NOS1AP: variants seen among roughly 807,000 people sequenced by gnomAD.
NOS1AP encodes nitric oxide synthase 1 adaptor protein.
In NOS1AP, 21 loss-of-function variants were observed where a neutral mutation model predicts 56.2. The observed-to-expected ratio is 0.37, with a 90% CI of 0.26 to 0.54. The LOEUF (loss-of-function observed/expected upper bound fraction) is 0.54, where lower values mean the gene tolerates loss of function less well. NOS1AP is among the 20% of genes least tolerant of loss of function. NOS1AP has a pLI of 0.84. For missense variants in NOS1AP, 522 were observed against 657.8 expected, an observed-to-expected ratio of 0.79 and a Z score of 2.26; for synonymous variants, 270 against 274.6, an observed-to-expected ratio of 0.98 and a Z score of 0.17.
At chr1:162,167,628 C>T (rs1650564877) in intron 2 of NOS1AP, among the ~76,000 whole-genome samples, 1 of 152,244 alleles carries the variant, frequency 6.6e-6, no homozygotes, top group Non-Finnish European at 1.5e-5. Context: ...CCTTTCCCTT[C>T]ATCAGGCTCA....
chr1:162,138,387 G>A (rs1649093360), intron 1 of NOS1AP, among the ~76,000 whole-genome samples: 1 of 152,152 alleles, frequency 6.6e-6, no homozygotes, highest in South Asian at 2.1e-4. Flanking sequence ...AGATGGGTGG[G>A]AGGAGTTTGC....
rs1003100329 is a variant in NOS1AP, at chr1:162,187,213, C to T, written c.177+32737C>T. On this transcript the variant is annotated intron_variant, in intron 2 of 9. Transcript: ENST00000361897. ...AACTCCTGAGCTCAAGTGATCCACC[C>T]GCCTAGGCCTCCCAAAGTGCTAGGA... 3.4e-4 allele frequency among the ~76,000 whole-genome samples: 51 copies of T among 152,082 alleles called. 1 individual carries two copies. The highest frequency in any genetic ancestry group is 5.9e-5 in the Non-Finnish European group (4 of 68,014).
At position 162,343,925 on chromosome 1, in the gene NOS1AP, G is replaced by A. The variant is rs767540370; in HGVS notation, c.544G>A (p.Gly182Ser). Residue 182 changes from glycine (G) to serine (S), a missense_variant, in exon 6 of 10, where the codon GGC becomes AGC. By Grantham distance (56) the Gly-to-Ser change is moderately conservative. This residue lies in a region of NOS1AP where 178 missense variants were observed against 165.0 expected (regional missense o/e 1.08). Coordinates refer to ENST00000361897, the MANE Select transcript of NOS1AP (RefSeq NM_014697.3). ...GCAGCACACGCAGCAGAATGCAGAT[G>A]GCCAGGAAGATGGAGAGAGCGAGAG... is the stretch of plus-strand genomic sequence containing the variant. Reference protein sequence around the residue: ...SLQHTQQNADGQEDGESERNS... With the variant: ...SLQHTQQNADSQEDGESERNS... 1.9e-6 allele frequency: 3 copies of A among 1,614,130 alleles called. No homozygotes were observed. Among genetic ancestry groups the A allele is most frequent in the East Asian group, 4.5e-5 (2 of 44,870 alleles).
At chr1:162,174,911 A>G (rs1252881819) in intron 2 of NOS1AP, among the ~76,000 whole-genome samples, 2 of 152,164 alleles carry the variant, frequency 1.3e-5, no homozygotes, top group Admixed American at 6.5e-5. Flanking sequence ...GATCTTCACA[A>G]TTTTGAAGAT....
intron 1 of NOS1AP, among the ~76,000 whole-genome samples, chr1:162,146,465 C>T (rs1413079372): frequency 6.6e-6 from 1 of 152,088 alleles, no homozygotes; most frequent in Non-Finnish European, 1.5e-5. Context: ...CTCCTGCCTG[C>T]CCTCTCTTTT....
chr1:162,097,575 G>C (rs986601239), intron 1 of NOS1AP, among the ~76,000 whole-genome samples: 1 of 152,080 alleles, frequency 6.6e-6, no homozygotes, highest in African/African-American at 2.4e-5. Context: ...TTCTAATTTT[G>C]TTTTTTCTCT....
intron 1 of NOS1AP, 50 bp from the exon 2 acceptor site, chr1:162,154,354 AG>A: frequency 1.9e-6 from 3 of 1,555,664 alleles, no homozygotes; most frequent in Non-Finnish European, 2.7e-6. Context: ...TTCTGGGATT[AG>A]GGACACTTGC....
chr1:162,075,778 T>A (rs555022492), intron 1 of NOS1AP, among the ~76,000 whole-genome samples: 1 of 151,914 alleles, frequency 6.6e-6, no homozygotes, highest in South Asian at 2.1e-4. Context: ...AGACTACTTT[T>A]TTTTTTGGTG....
chr1:162,095,063 T>G (rs1692209172), intron 1 of NOS1AP, among the ~76,000 whole-genome samples: 1 of 152,198 alleles, frequency 6.6e-6, no homozygotes, highest in African/African-American at 2.4e-5. Context: ...TAGCCCAGTG[T>G]GGGCAATTGG....
intron 1 of NOS1AP, among the ~76,000 whole-genome samples, chr1:162,072,210 T>C (rs182356412): frequency 1.0e-3 from 157 of 152,314 alleles, no homozygotes; most frequent in Non-Finnish European, 1.5e-3. Context: ...GTGAGGGGGT[T>C]AACAAGTTTG....
chr1:162,146,930 T>C (rs1333416392), intron 1 of NOS1AP, among the ~76,000 whole-genome samples: 1 of 152,224 alleles, frequency 6.6e-6, no homozygotes, highest in Non-Finnish European at 1.5e-5. Flanking sequence ...AGCTATTTTT[T>C]CTATCTTGTT....
chr1:162,084,773 C>T (rs1454458183), intron 1 of NOS1AP, among the ~76,000 whole-genome samples: 2 of 151,982 alleles, frequency 1.3e-5, no homozygotes, highest in Non-Finnish European at 2.9e-5. Context: ...CCTCAACCTC[C>T]CAGGCTCAAG....
chr1:162,218,373 C>T (rs2101654614), intron 2 of NOS1AP, among the ~76,000 whole-genome samples: 1 of 152,296 alleles, frequency 6.6e-6, no homozygotes, highest in Admixed American at 6.5e-5. Flanking sequence ...GCTAATAAAT[C>T]ACTATCATAA....
chr1:162,081,942 C>A (rs562231812), intron 1 of NOS1AP, among the ~76,000 whole-genome samples: 4 of 150,796 alleles, frequency 2.7e-5, no homozygotes, highest in African/African-American at 9.7e-5. Flanking sequence ...TTTTGAAAAA[C>A]CTTTTATTTT....
intron 3 of NOS1AP, 115 bp from the exon 4 acceptor site, chr1:162,300,518 C>T (rs1204271702): frequency 2.2e-6 from 2 of 889,356 alleles, no homozygotes; most frequent in African/African-American, 1.6e-5. Context: ...CTCCAGGCCT[C>T]TTAGAGGGAA....
chr1:162,109,284 G>C (rs561339477), intron 1 of NOS1AP, among the ~76,000 whole-genome samples: 67 of 152,296 alleles, frequency 4.4e-4, no homozygotes, highest in African/African-American at 1.4e-3. Flanking sequence ...GGATAACAAA[G>C]TGTTTAACAA....
At chr1:162,347,407 G>A (rs377759796) in intron 6 of NOS1AP, among the ~76,000 whole-genome samples, 19 of 152,208 alleles carry the variant, frequency 1.2e-4, no homozygotes, top group African/African-American at 3.1e-4. Context: ...GCGGTTGGAC[G>A]CAGAGAGGAT....
intron 1 of NOS1AP, among the ~76,000 whole-genome samples, chr1:162,088,668 G>T (rs1193070826): frequency 6.6e-6 from 1 of 152,152 alleles, no homozygotes; most frequent in African/African-American, 2.4e-5. Context: ...GGGTATTTGG[G>T]AATGTTTAAT....
intron 1 of NOS1AP, among the ~76,000 whole-genome samples, chr1:162,075,189 GTGTA>G (rs1691741845): frequency 6.6e-6 from 1 of 152,144 alleles, no homozygotes; most frequent in Non-Finnish European, 1.5e-5. Flanking sequence ...TCATGCCTTG[GTGTA>G]TCTCCCCCTC....
Sources: gnomAD v4.1 joint callset for allele counts (sites outside exome capture counted in the v4.1 genomes callset) on GRCh38, gnomAD v4.1.1 for gene constraint, gnomAD v4.1.1 regional missense constraint, MANE v1.5 for transcripts, NCBI Gene and HGNC (gene_info 2026-07-23, HGNC 2026-07-21) for gene names.